The following BRD8 variants were observed in gnomAD, a reference collection of about 807,000 sequenced individuals.
The protein encoded by BRD8 is bromodomain-containing protein 8.
A neutral mutation model predicts 143.1 loss-of-function variants in BRD8; 67 were observed. The ratio of observed to expected loss-of-function variants is 0.47; its 90% CI spans 0.38 to 0.57. BRD8 has a LOEUF of 0.57. Among genes scored for constraint, BRD8 ranks in the 20% least tolerant of loss-of-function variants. The pLI is 0.00. For missense variants in BRD8, 1,103 were observed against 1,503.0 expected, an observed-to-expected ratio of 0.73 and a Z score of 4.40; for synonymous variants, 505 against 517.1, an observed-to-expected ratio of 0.98 and a Z score of 0.32.
In BRD8 at chr5:138,143,091, C is replaced by A. The variant is rs185078292; in HGVS notation, c.3437+2086G>T. 1.6e-3 allele frequency among the ~76,000 whole-genome samples: 239 copies of A among 151,610 alleles called. 4 individuals are homozygous for A. The highest frequency in any genetic ancestry group is 0.014 in the Admixed American group (209 of 15,214). ...CATGAGCCCAGGAGTCTGAGACAAG[C>A]CTGGGCACCATGGTGAAACTCTATC... On this transcript the variant is annotated intron_variant, in intron 25 of 26. Coordinates refer to ENST00000254900, the MANE Select transcript of BRD8 (RefSeq NM_139199.2).
intron 1 of BRD8, 119 bp from the exon 2 acceptor site, chr5:138,177,786 GA>G: frequency 1.8e-6 from 1 of 563,860 alleles, no homozygotes; most frequent in South Asian, 2.5e-5. Context: ...AACTTGTTAG[GA>G]CAAAGTGAGC....
At chr5:138,167,665 CA>C in intron 9 of BRD8, 1 of 378,256 alleles carries the variant, frequency 2.6e-6, no homozygotes, top group Non-Finnish European at 4.9e-6. Flanking sequence ...GTATCTCTAG[CA>C]CCTTGATTTT....
At chr5:138,160,863 G>A (rs1262621693) in intron 18 of BRD8, 28 bp downstream of exon 18, 2 of 1,531,396 alleles carry the variant, frequency 1.3e-6, no homozygotes, top group African/African-American at 1.4e-5. Flanking sequence ...TTTCATCCTT[G>A]CTGAAACACA....
chr5:138,140,935 T>C (rs909908262), intron 25 of BRD8, 53 bp from the exon 26 acceptor site: 2 of 1,586,828 alleles, frequency 1.3e-6, no homozygotes, highest in African/African-American at 1.3e-5. Context: ...GTGGAACATA[T>C]GATAACCTAA....
intron 21 of BRD8, 57 bp from the exon 22 acceptor site, chr5:138,151,065 C>G: frequency 6.4e-7 from 1 of 1,567,970 alleles, no homozygotes; most frequent in Admixed American, 1.7e-5. Flanking sequence ...TCATCATCCA[C>G]ATATCAACAA....
rs930712766 is a variant in BRD8, at chr5:138,145,373, C to A, written c.3369-128G>T. ...ACTGTCAGCACCATTAGGAAAAAATCTATTTGTTCCCTCTTGCCAGAGAGT... is the reference window on the plus strand; with the variant it reads ...ACTGTCAGCACCATTAGGAAAAAATATATTTGTTCCCTCTTGCCAGAGAGT... On this transcript the variant is annotated intron_variant, in intron 24 of 26. Transcript: ENST00000254900. 1.3e-5 allele frequency: 9 copies of A among 715,658 alleles called. No individual in the cohort carries two copies. The African/African-American group carries it at 1.4e-4, about 11-fold the overall frequency. 44.3% of individuals were successfully genotyped at this position (715,658 alleles called of 1,614,324 possible).
intron 9 of BRD8, among the ~76,000 whole-genome samples, chr5:138,167,102 A>C (rs1444140461): frequency 2.0e-5 from 3 of 148,268 alleles, no homozygotes; most frequent in African/African-American, 7.4e-5. Flanking sequence ...AAAAAAAAAA[A>C]AAAAAAAAAA....
intron 7 of BRD8, 127 bp from the exon 8 acceptor site, chr5:138,169,485 G>A: frequency 8.8e-7 from 1 of 1,132,808 alleles, no homozygotes; most frequent in South Asian, 1.8e-5. Context: ...TAATAAGTTT[G>A]GATTAGAAAG....
At chr5:138,143,791 G>A (rs1000807625) in intron 25 of BRD8, among the ~76,000 whole-genome samples, 5 of 151,974 alleles carry the variant, frequency 3.3e-5, no homozygotes, top group Admixed American at 1.3e-4. Flanking sequence ...GTTTGTAAAC[G>A]CACCAATCAG....
At position 138,163,341 on chromosome 5, in the gene BRD8, C is replaced by T; in HGVS notation, c.1876G>A (p.Ala626Thr). 6.2e-7 allele frequency: 1 copy of T among 1,613,980 alleles called. No homozygotes were observed. The highest frequency in any genetic ancestry group is 8.5e-7 in the Non-Finnish European group (1 of 1,179,934). The change falls in exon 15 of 27, where the codon GCC (alanine) becomes ACC (threonine). Residue 626 changes from alanine to threonine, a missense_variant. By Grantham distance (58) the Ala-to-Thr change is moderately conservative (BLOSUM62 0). Around this residue, in one of 7 missense-constraint regions of BRD8, gnomAD observed 75 missense variants for 111.7 expected, o/e 0.67. Transcript: ENST00000254900. ...GTIFGSQIKD[A>T]PGEDEEEDGV... ...TCTTCCTCCTCATCCTCACCTGGGG[C>T]ATCCTTAGATACAGTATGCTCCAGT...
intron 20 of BRD8, chr5:138,157,394 G>T: frequency 8.3e-7 from 1 of 1,202,330 alleles, no homozygotes; most frequent in Non-Finnish European, 1.2e-6. Context: ...AATCCAGAGG[G>T]ATGAGGGGCA....
chr5:138,166,067 C>T lies in BRD8; in HGVS notation c.1039G>A (p.Asp347Asn), dbSNP rs1411243814. The change falls in exon 11 of 27, where the codon GAT (aspartate) becomes AAT (asparagine). Residue 347 changes from aspartate to asparagine, a missense_variant. Physicochemically the swap from Asp to Asn is conservative, Grantham distance 23 (BLOSUM62 1). Transcript: ENST00000254900. Reference protein sequence around the residue: ...DNCVPMEAVGDPHTVTVSMDS... With the variant: ...DNCVPMEAVGNPHTVTVSMDS... ...ATGGAAACAGTCACAGTATGTGGAT[C>T]CCCCACAGCCTCCATGGGAACACAG... 6.2e-7 allele frequency: 1 copy of T among 1,613,678 alleles called. No individual in the cohort carries two copies. The highest frequency in any genetic ancestry group is 1.1e-5 in the South Asian group (1 of 91,072).
chr5:138,167,762 C>T, intron 9 of BRD8, 172 bp downstream of exon 9: 4 of 607,004 alleles, frequency 6.6e-6, no homozygotes, highest in Non-Finnish European at 8.9e-6. Flanking sequence ...AGATAGATGG[C>T]TTTATAATAT....
chr5:138,171,319 C>A, intron 4 of BRD8, 42 bp downstream of exon 4: 1 of 1,531,770 alleles, frequency 6.5e-7, no homozygotes, highest in South Asian at 1.1e-5. Flanking sequence ...TAAATACTCT[C>A]CACTAAAGAA....
chr5:138,156,885 A>G (rs1752634629), intron 20 of BRD8: 17 of 1,077,354 alleles, frequency 1.6e-5, no homozygotes, highest in Non-Finnish European at 1.9e-5. Context: ...GCCAAAGGCT[A>G]GTTTTTTTTT....
intron 25 of BRD8, among the ~76,000 whole-genome samples, 200 bp downstream of exon 25, chr5:138,144,977 G>C (rs217263): frequency 0.29 from 42,964 of 147,654 alleles, 7,276 homozygotes; most frequent in South Asian, 0.43. Context: ...AAAATAAAAA[G>C]CCTATATCAT....
chr5:138,145,332 C>G, intron 24 of BRD8, 87 bp from the exon 25 acceptor site: 1 of 1,160,840 alleles, frequency 8.6e-7, no homozygotes. Context: ...AGTAGACTTC[C>G]TTTAGGGGAA....
intron 14 of BRD8, 133 bp from the exon 15 acceptor site, chr5:138,163,477 A>G (rs1413457641): frequency 1.1e-5 from 15 of 1,352,202 alleles, no homozygotes; most frequent in Non-Finnish European, 1.5e-5. Flanking sequence ...TCAGCTGTCT[A>G]TCACTTATAC....
At chr5:138,172,172 A>T (rs1360589706) in intron 2 of BRD8, 38 bp from the exon 3 acceptor site, 2 of 1,517,526 alleles carry the variant, frequency 1.3e-6, no homozygotes, top group Non-Finnish European at 1.8e-6. Flanking sequence ...CACCAAGCAG[A>T]AAACAATAGG....
Sources: allele counts gnomAD v4.1 joint callset (sites outside exome capture counted in the v4.1 genomes callset), GRCh38; gene constraint gnomAD v4.1.1; regional missense constraint gnomAD v4.1.1; transcripts MANE v1.5; gene names NCBI Gene and HGNC (gene_info 2026-07-23, HGNC 2026-07-21).